SLC2A9: variants seen among roughly 807,000 people sequenced by gnomAD.
The protein encoded by SLC2A9 is solute carrier family 2, facilitated glucose transporter member 9.
A neutral mutation model predicts 50.6 loss-of-function variants in SLC2A9; 39 were observed. The ratio of observed to expected loss-of-function variants is 0.77; its 90% confidence interval spans 0.60 to 1.01. SLC2A9 has a LOEUF of 1.01. SLC2A9 is among the 50% of genes least tolerant of loss of function. The pLI is 0.00. For synonymous variants in SLC2A9, 324 were observed against 276.9 expected, an observed-to-expected ratio of 1.17 and a Z score of -1.69; for missense variants, 686 against 677.6, an observed-to-expected ratio of 1.01 and a Z score of -0.14.
chr4:9,802,023 C>T (rs1721476256), intron 3 of SLC2A9, among the ~76,000 whole-genome samples: 1 of 152,150 alleles, frequency 6.6e-6, no homozygotes, highest in African/African-American at 2.4e-5. Context: ...AGCTCTACTC[C>T]ATCCCACTTG....
chr4:9,853,173 C>A (rs1467167765), intron 10 of SLC2A9, among the ~76,000 whole-genome samples: 1 of 124,430 alleles, frequency 8.0e-6, no homozygotes, highest in Admixed American at 7.8e-5. Context: ...GAAACTCCCT[C>A]TCAAAAAAAA....
intron 3 of SLC2A9, among the ~76,000 whole-genome samples, chr4:9,781,257 G>A (rs1260031469): frequency 6.6e-6 from 1 of 152,202 alleles, no homozygotes; most frequent in Admixed American, 6.5e-5. Flanking sequence ...GCAGAGCCAG[G>A]AATAAAGTCC....
At chr4:9,982,839 T>C (rs181489908) in intron 4 of SLC2A9, among the ~76,000 whole-genome samples, 66 of 152,360 alleles carry the variant, frequency 4.3e-4, no homozygotes, top group African/African-American at 1.6e-3. Flanking sequence ...AGTACTTCAA[T>C]ACGTAGAACA....
At chr4:9,867,712 AC>A (rs974064290) in intron 10 of SLC2A9, among the ~76,000 whole-genome samples, 1 of 152,202 alleles carries the variant, frequency 6.6e-6, no homozygotes, top group African/African-American at 2.4e-5. Context: ...AGCTGGGGAC[AC>A]CGTGGATGGA....
At chr4:9,821,187 A>C (rs536576425) in intron 3 of SLC2A9, among the ~76,000 whole-genome samples, 34 of 152,330 alleles carry the variant, frequency 2.2e-4, no homozygotes, top group African/African-American at 8.2e-4. Flanking sequence ...TGATATAATC[A>C]TATGTTCTTT....
chr4:9,777,891 T>A (rs1717774141), downstream of SLC2A9, among the ~76,000 whole-genome samples: 1 of 152,188 alleles, frequency 6.6e-6, no homozygotes, highest in South Asian at 2.1e-4. Flanking sequence ...TTGAGCTGGC[T>A]TTGCAGGATG....
chr4:10,025,884 A>G, upstream of SLC2A9: 1 of 1,589,364 alleles, frequency 6.3e-7, no homozygotes. Context: ...TAAGGGAGAC[A>G]GAAAAAAAAA....
At chr4:9,981,867 A>G (rs1755939829) in intron 4 of SLC2A9, among the ~76,000 whole-genome samples, 3 of 150,714 alleles carry the variant, frequency 2.0e-5, no homozygotes, top group Admixed American at 2.0e-4. Flanking sequence ...CAGGTTTATC[A>G]TTTGGCTTTA....
At chr4:9,821,392 C>A (rs1278807254), downstream of SLC2A9, among the ~76,000 whole-genome samples, 3 of 152,064 alleles carry the variant, frequency 2.0e-5, no homozygotes, top group East Asian at 5.8e-4. Flanking sequence ...CAAACTAACA[C>A]AGGAACAGAA....
chr4:10,036,585 A>G (rs1244223936), intron 1 of SLC2A9, among the ~76,000 whole-genome samples: 2 of 152,096 alleles, frequency 1.3e-5, no homozygotes, highest in Non-Finnish European at 2.9e-5. Context: ...TTTCCTCAAC[A>G]TTAGCATCAT....
rs375739264 is a variant in SLC2A9, at chr4:9,938,673, T to C, written c.814+3240A>G. 1.1e-4 allele frequency among the ~76,000 whole-genome samples: 16 copies of C among 152,320 alleles called. No homozygotes were observed. In the South Asian group the frequency reaches 3.1e-3, roughly 30 times the overall value. On this transcript the variant is annotated intron_variant, in intron 6 of 11. Coordinates refer to ENST00000264784, the MANE Select transcript of SLC2A9 (RefSeq NM_020041.3). The stretch of plus-strand genomic sequence containing the variant: ...ACCCTGCACTTCAGTGAATTCAGGT[T>C]TGAATGAGACAAACTGAGTTAGAAT...
chr4:9,831,039 G>A lies in SLC2A9; in HGVS notation c.1419+3842C>T, dbSNP rs180911505. Among the ~76,000 whole-genome samples the A allele has an allele frequency of 4.0e-3, 608 of 152,314 alleles. 7 individuals are homozygous for A. The highest frequency in any genetic ancestry group is 0.011 in the African/African-American group (439 of 41,546). On this transcript the variant is annotated intron_variant, in intron 11 of 11. Coordinates refer to ENST00000264784, the MANE Select transcript of SLC2A9 (RefSeq NM_020041.3). ...ATGGGCTTCAATACAGGCGTGATTC[G>A]TGCCGTTGTCTGTGGCTCTACTGGC...
chr4:9,923,910 T>G (rs1201960832), intron 6 of SLC2A9: 1 of 152,292 alleles, frequency 6.6e-6, no homozygotes, highest in East Asian at 1.9e-4. Context: ...TGCCTCGTTC[T>G]TTCAGCCTTA....
At chr4:9,805,525 C>T (rs935054282) in intron 3 of SLC2A9, among the ~76,000 whole-genome samples, 1 of 152,010 alleles carries the variant, frequency 6.6e-6, no homozygotes, top group East Asian at 1.9e-4. Context: ...ATGGTGAAAC[C>T]CCATCTCTAC....
chr4:9,920,838 C>T (rs1278020850), intron 6 of SLC2A9, among the ~76,000 whole-genome samples: 3 of 152,222 alleles, frequency 2.0e-5, no homozygotes, highest in Admixed American at 1.3e-4. Flanking sequence ...CTGTCCGCAA[C>T]GCAAGGCAGA....
intron 10 of SLC2A9, among the ~76,000 whole-genome samples, chr4:9,864,936 G>A (rs1732213250): frequency 6.6e-6 from 1 of 152,246 alleles, no homozygotes; most frequent in African/African-American, 2.4e-5. Context: ...TTGGCTGGAA[G>A]CCAGGAGAAA....
chr4:9,844,411 AT>A (rs1728618584), intron 10 of SLC2A9, among the ~76,000 whole-genome samples: 1 of 152,226 alleles, frequency 6.6e-6, no homozygotes, highest in Non-Finnish European at 1.5e-5. Context: ...TCCTAAAAAT[AT>A]TCCTAATAAT....
chr4:9,837,560 G>A (rs1422889464), intron 10 of SLC2A9, among the ~76,000 whole-genome samples: 1 of 152,204 alleles, frequency 6.6e-6, no homozygotes, highest in Non-Finnish European at 1.5e-5. Flanking sequence ...AATGTACAAT[G>A]CAGTAGAACA....
intron 10 of SLC2A9, chr4:9,879,054 C>A: frequency 4.1e-6 from 4 of 985,042 alleles, no homozygotes; most frequent in Non-Finnish European, 4.8e-6. Context: ...GAGTGCTGAC[C>A]CACTGTCAGG....
Sources: allele counts gnomAD v4.1 joint callset (sites outside exome capture counted in the v4.1 genomes callset), GRCh38; gene constraint gnomAD v4.1.1; transcripts MANE v1.5; gene names NCBI Gene and HGNC (gene_info 2026-07-23, HGNC 2026-07-21).